Variants in ROBO1 observed in about 807,000 individuals in gnomAD.
ROBO1 encodes roundabout homolog 1.
ROBO1 carries 149 observed loss-of-function variants against 195.9 expected under a neutral mutation model. The observed-to-expected ratio is 0.76, with a 90% CI of 0.67 to 0.87. The LOEUF is 0.87. Ranked by LOEUF, ROBO1 falls within the 40% of genes least tolerant of loss-of-function variation. The pLI, the probability that ROBO1 is intolerant of heterozygous loss-of-function variation, is 0.00. For missense variants in ROBO1, 1,933 were observed against 2,068.3 expected, an observed-to-expected ratio of 0.93 and a Z score of 1.27; for synonymous variants, 816 against 733.2, an observed-to-expected ratio of 1.11 and a Z score of -1.82.
At chr3:78,686,172 C>A (rs372816595) in intron 9 of ROBO1, among the ~76,000 whole-genome samples, 20 of 152,104 alleles carry the variant, frequency 1.3e-4, no homozygotes, top group African/African-American at 4.1e-4. Context: ...AATAATCTAA[C>A]CTCAAATAGG....
intron 1 of ROBO1, among the ~76,000 whole-genome samples, chr3:79,756,245 C>T (rs75607665): frequency 0.032 from 4,900 of 152,130 alleles, 257 homozygotes; most frequent in African/African-American, 0.11. Context: ...GACATTGACA[C>T]GCCTCATTAG....
At chr3:79,443,338 C>T (rs1264675388) in intron 2 of ROBO1, among the ~76,000 whole-genome samples, 1 of 152,070 alleles carries the variant, frequency 6.6e-6, no homozygotes, top group Non-Finnish European at 1.5e-5. Flanking sequence ...TTTATAACCC[C>T]AATTAACAGG....
At chr3:79,613,333 G>A (rs553019681) in intron 1 of ROBO1, among the ~76,000 whole-genome samples, 39 of 152,038 alleles carry the variant, frequency 2.6e-4, no homozygotes, top group South Asian at 1.9e-3. Flanking sequence ...TTGATTAAAA[G>A]AAACGTGCTA....
intron 3 of ROBO1, among the ~76,000 whole-genome samples, chr3:79,116,208 G>A (rs2079990670): frequency 6.6e-6 from 1 of 152,070 alleles, no homozygotes. Flanking sequence ...AAATGGCTTA[G>A]TATTTGCATA....
At chr3:79,188,896 G>GT (rs1320382288) in intron 2 of ROBO1, among the ~76,000 whole-genome samples, 1 of 151,664 alleles carries the variant, frequency 6.6e-6, no homozygotes, top group East Asian at 1.9e-4. Flanking sequence ...GTATGATTAG[G>GT]TCATGAGGGC....
intron 2 of ROBO1, among the ~76,000 whole-genome samples, chr3:79,198,809 G>A (rs1192692199): frequency 6.6e-6 from 1 of 152,088 alleles, no homozygotes; most frequent in African/African-American, 2.4e-5. Flanking sequence ...AATTGTGAAT[G>A]GGAGTTCACT....
chr3:78,975,206 T>C (rs963114464), intron 3 of ROBO1, among the ~76,000 whole-genome samples: 1 of 152,202 alleles, frequency 6.6e-6, no homozygotes, highest in Non-Finnish European at 1.5e-5. Flanking sequence ...CTTCAATTTA[T>C]ACTTAAACTA....
Position 79,570,664 on chromosome 3 carries a change from A to G in ROBO1, c.88+19160T>C, listed in dbSNP as rs192204976. On this transcript the variant is annotated intron_variant, in intron 2 of 30. Transcript: ENST00000464233. ...TCATACATTGTTTTAGATTAAGGAA[A>G]TGTGATTACAGGATAATAATTACAG... 8.7e-4 allele frequency among the ~76,000 whole-genome samples: 132 copies of G among 152,306 alleles called. 2 individuals carry two copies. In the South Asian group the frequency reaches 0.025, roughly 29 times the overall value.
chr3:79,476,107 A>G (rs1021515577), intron 2 of ROBO1, among the ~76,000 whole-genome samples: 6 of 152,184 alleles, frequency 3.9e-5, no homozygotes, highest in Non-Finnish European at 7.4e-5. Context: ...ATAATTCTCC[A>G]AAGAAGATAT....
At chr3:79,026,243 G>A (rs1252756239) in intron 3 of ROBO1, among the ~76,000 whole-genome samples, 2 of 151,826 alleles carry the variant, frequency 1.3e-5, no homozygotes, top group African/African-American at 4.8e-5. Context: ...TAATCCTCAG[G>A]AAAAAATATT....
intron 1 of ROBO1, among the ~76,000 whole-genome samples, chr3:79,760,533 AG>A (rs1384275117): frequency 1.3e-5 from 2 of 150,708 alleles, no homozygotes; most frequent in Non-Finnish European, 3.0e-5. Context: ...GGATATATAA[AG>A]AATTTGTATA....
intron 2 of ROBO1, among the ~76,000 whole-genome samples, chr3:79,346,642 A>G (rs1343450230): frequency 6.6e-6 from 1 of 152,060 alleles, no homozygotes; most frequent in Non-Finnish European, 1.5e-5. Context: ...GAATTTTACA[A>G]TGATATATTA....
At chr3:79,198,086 G>T (rs1178916466) in intron 2 of ROBO1, among the ~76,000 whole-genome samples, 7 of 151,858 alleles carry the variant, frequency 4.6e-5, no homozygotes, top group Admixed American at 2.0e-4. Context: ...CATTGCTTTT[G>T]GTGTTTCAGT....
intron 3 of ROBO1, among the ~76,000 whole-genome samples, chr3:79,050,064 T>G (rs1274276331): frequency 6.6e-6 from 1 of 152,118 alleles, no homozygotes; most frequent in Non-Finnish European, 1.5e-5. Context: ...TAAATGTAAA[T>G]GGGCTAAGTG....
At chr3:79,580,912 A>C (rs1943640603) in intron 2 of ROBO1, among the ~76,000 whole-genome samples, 1 of 152,168 alleles carries the variant, frequency 6.6e-6, no homozygotes. Context: ...TTATTTATGA[A>C]TTATTGATTC....
At chr3:78,999,763 T>C (rs1298918964) in intron 3 of ROBO1, among the ~76,000 whole-genome samples, 3 of 152,140 alleles carry the variant, frequency 2.0e-5, no homozygotes, top group African/African-American at 7.2e-5. Flanking sequence ...AGGCACCTGA[T>C]GAGAAAATAA....
At chr3:78,649,242 C>T (rs1183851364) in intron 19 of ROBO1, among the ~76,000 whole-genome samples, 3 of 152,038 alleles carry the variant, frequency 2.0e-5, no homozygotes, top group Non-Finnish European at 2.9e-5. Flanking sequence ...AGGTCCTTGT[C>T]ATTACTTCTC....
intron 3 of ROBO1, among the ~76,000 whole-genome samples, chr3:79,059,848 G>C (rs749334935): frequency 3.3e-5 from 5 of 151,954 alleles, no homozygotes; most frequent in Admixed American, 1.3e-4. Context: ...ATGTGTGTTT[G>C]AACAATATGA....
intron 21 of ROBO1, among the ~76,000 whole-genome samples, chr3:78,644,928 T>C (rs1177338741): frequency 6.6e-6 from 1 of 152,166 alleles, no homozygotes; most frequent in Non-Finnish European, 1.5e-5. Context: ...GGTTATAAAA[T>C]CAGGTATTCC....
Sources: gnomAD v4.1 joint callset for allele counts (sites outside exome capture counted in the v4.1 genomes callset) on GRCh38, gnomAD v4.1.1 for gene constraint, MANE v1.5 for transcripts, NCBI Gene and HGNC (gene_info 2026-07-23, HGNC 2026-07-21) for gene names.